The following PRORP variants were observed in gnomAD, a reference collection of about 807,000 sequenced individuals.
PRORP encodes the protein protein only RNase P catalytic subunit.
A neutral mutation model predicts 59.4 loss-of-function variants in PRORP; 51 were observed. The ratio of observed to expected loss-of-function variants is 0.86; its 90% CI spans 0.69 to 1.08. The LOEUF (loss-of-function observed/expected upper bound fraction) is 1.08, where lower values mean the gene tolerates loss of function less well. Ranked by LOEUF, PRORP falls within the 50% of genes least tolerant of loss-of-function variation. The pLI, the probability that PRORP is intolerant of heterozygous loss-of-function variation, is 0.00. For missense variants in PRORP, 646 were observed against 690.3 expected (o/e 0.94, Z 0.72); for synonymous variants, 231 against 245.6 (o/e 0.94, Z 0.55).
At chr14:35,245,585 C>T (rs2050463962) in intron 5 of PRORP, among the ~76,000 whole-genome samples, 1 of 152,166 alleles carries the variant, frequency 6.6e-6, no homozygotes, top group Admixed American at 6.5e-5. Flanking sequence ...GTCTAGGTTG[C>T]AGTGAGCCCT....
intron 4 of PRORP, among the ~76,000 whole-genome samples, chr14:35,175,810 T>G (rs1448990180): frequency 6.6e-6 from 1 of 152,230 alleles, no homozygotes; most frequent in Non-Finnish European, 1.5e-5. Context: ...CATGAAGTCC[T>G]TGCCCATGCC....
At chr14:35,270,330 G>A in intron 6 of PRORP, 71 bp from the exon 7 acceptor site, 1 of 1,445,832 alleles carries the variant, frequency 6.9e-7, no homozygotes, top group Non-Finnish European at 9.5e-7. Flanking sequence ...TAAGTAAAAA[G>A]TACGGTGAAA....
chr14:35,175,077 C>CT (rs1411433966), intron 4 of PRORP, among the ~76,000 whole-genome samples: 4 of 151,872 alleles, frequency 2.6e-5, no homozygotes, highest in African/African-American at 9.7e-5. Flanking sequence ...TGAACTCATC[C>CT]TTTTTTATGG....
intron 5 of PRORP, among the ~76,000 whole-genome samples, chr14:35,224,361 A>C (rs2049877704): frequency 6.6e-6 from 1 of 152,310 alleles, no homozygotes; most frequent in South Asian, 2.1e-4. Flanking sequence ...TTGCTGTGGG[A>C]TATATGTTCA....
rs577331219 is a variant in PRORP at position 35,273,571 on chromosome 14, T to G, written c.*5T>G. On this transcript the variant is annotated 3_prime_UTR_variant, in exon 8 of 8. Transcript: ENST00000534898. Reference sequence around the variant, plus strand: ...TGCCTCCACCAAAAGACATAGAGATTCTTACCTCTATGCTAAGTTTGTGTT... The same window carrying G: ...TGCCTCCACCAAAAGACATAGAGATGCTTACCTCTATGCTAAGTTTGTGTT... 3.7e-6 allele frequency: 6 copies of G among 1,611,250 alleles called. No homozygotes were observed. The African/African-American group carries it at 6.7e-5, about 18-fold the overall frequency.
intron 5 of PRORP, among the ~76,000 whole-genome samples, chr14:35,257,057 T>C (rs913645680): frequency 5.3e-5 from 8 of 151,890 alleles, no homozygotes; most frequent in African/African-American, 1.9e-4. Flanking sequence ...GTATTTTTAG[T>C]AGGGACTGGG....
At chr14:35,232,108 A>G (rs1278494205) in intron 5 of PRORP, among the ~76,000 whole-genome samples, 1 of 152,112 alleles carries the variant, frequency 6.6e-6, no homozygotes, top group African/African-American at 2.4e-5. Context: ...GATTTTATTA[A>G]TATTTGGGGA....
chr14:35,202,776 T>G (rs2049190665), intron 5 of PRORP, among the ~76,000 whole-genome samples: 1 of 152,158 alleles, frequency 6.6e-6, no homozygotes, highest in South Asian at 2.1e-4. Context: ...ACAACAGGCA[T>G]GTGCCGCCAC....
At chr14:35,169,591 G>A (rs529737721) in intron 4 of PRORP, among the ~76,000 whole-genome samples, 2 of 152,254 alleles carry the variant, frequency 1.3e-5, no homozygotes, top group East Asian at 1.9e-4. Context: ...AAAAACTACC[G>A]TTTATAAAAC....
rs568087712 is a variant in PRORP, at chr14:35,188,726, C to G, written c.1275+7949C>G. Among the ~76,000 whole-genome samples the G allele has an allele frequency of 3.3e-5, 5 of 151,410 alleles. No homozygotes were observed. In the South Asian group the frequency reaches 1.0e-3, roughly 32 times the overall value. On this transcript the variant is annotated intron_variant, in intron 5 of 7. Coordinates refer to ENST00000534898, the MANE Select transcript of PRORP (RefSeq NM_014672.4). ...GGCGCCGTGGCTCACGCCTGTAATC[C>G]CAGAACTTTGGGATGCCAAGACAGG...
intron 4 of PRORP, among the ~76,000 whole-genome samples, chr14:35,172,827 A>G (rs951745253): frequency 2.0e-5 from 3 of 150,976 alleles, no homozygotes; most frequent in African/African-American, 4.9e-5. Context: ...TGGCGTCCCA[A>G]AGTGCTGGGA....
chr14:35,205,834 G>A (rs2049279131), intron 5 of PRORP, among the ~76,000 whole-genome samples: 1 of 151,976 alleles, frequency 6.6e-6, no homozygotes, highest in Non-Finnish European at 1.5e-5. Flanking sequence ...CACCCTTCAG[G>A]TCTCAACTTG....
At chr14:35,213,436 AT>A (rs1182823953) in intron 5 of PRORP, among the ~76,000 whole-genome samples, 4 of 152,144 alleles carry the variant, frequency 2.6e-5, no homozygotes, top group African/African-American at 4.8e-5. Context: ...CTTAAAAAAA[AT>A]AAAATAAAAA....
At chr14:35,230,050 C>CTTTTTTTTTTT (rs35309046) in intron 5 of PRORP, among the ~76,000 whole-genome samples, 7 of 109,138 alleles carry the variant, frequency 6.4e-5, no homozygotes, top group Admixed American at 2.0e-4. Context: ...ACTGTAAATT[C>CTTTTTTTTTTT]TTTTTTTTTT....
intron 4 of PRORP, among the ~76,000 whole-genome samples, chr14:35,163,648 G>A (rs1566468382): frequency 6.6e-6 from 1 of 152,098 alleles, no homozygotes; most frequent in Non-Finnish European, 1.5e-5. Flanking sequence ...GTTCCTTGTA[G>A]ATTCTGGATA....
intron 4 of PRORP, among the ~76,000 whole-genome samples, chr14:35,175,379 C>T (rs34049130): frequency 0.18 from 27,657 of 149,902 alleles, 3,077 homozygotes; most frequent in Non-Finnish European, 0.26. Context: ...AGTGTTCTTA[C>T]TTCTCCACAT....
chr14:35,235,012 C>T (rs1376224582), intron 5 of PRORP, among the ~76,000 whole-genome samples: 13 of 152,072 alleles, frequency 8.5e-5, no homozygotes, highest in Admixed American at 7.9e-4. Context: ...TAACTGAATG[C>T]TTTAATCCTG....
At chr14:35,218,184 GCATGGTGGCT>G (rs2138427080) in intron 5 of PRORP, among the ~76,000 whole-genome samples, 1 of 152,208 alleles carries the variant, frequency 6.6e-6, no homozygotes, top group African/African-American at 2.4e-5. Context: ...ATAGAGCTGG[GCATGGTGGCT>G]CATGCATGTA....
intron 5 of PRORP, among the ~76,000 whole-genome samples, chr14:35,202,357 G>A (rs2049178051): frequency 1.3e-5 from 2 of 152,052 alleles, no homozygotes; most frequent in South Asian, 4.1e-4. Flanking sequence ...ATTATTGAGG[G>A]CAACTAAAGG....
Sources: gnomAD v4.1 joint callset for allele counts (sites outside exome capture counted in the v4.1 genomes callset) on GRCh38, gnomAD v4.1.1 for gene constraint, MANE v1.5 for transcripts, NCBI Gene and HGNC (gene_info 2026-07-23, HGNC 2026-07-21) for gene names.